CBLN2: variants seen among roughly 807,000 people sequenced by gnomAD.
CBLN2 encodes the protein cerebellin 2 precursor, also known as cerebellin-2.
In CBLN2, 7 loss-of-function variants were observed where a neutral mutation model predicts 15.0. The observed-to-expected ratio is 0.47, with a 90% CI of 0.27 to 0.88. The LOEUF (loss-of-function observed/expected upper bound fraction) is 0.88, where lower values mean the gene tolerates loss of function less well. Ranked by LOEUF, CBLN2 falls within the 40% of genes least tolerant of loss-of-function variation. CBLN2 has a pLI of 0.14. For synonymous variants in CBLN2, 149 were observed against 135.2 expected (o/e 1.10, Z -0.71); for missense variants, 242 against 304.5 (o/e 0.79, Z 1.53).
chr18:72,554,573 G>A (rs2069212068), intron 1 of CBLN2, among the ~76,000 whole-genome samples: 1 of 147,808 alleles, frequency 6.8e-6, no homozygotes. Context: ...TCCTATATTT[G>A]TCAATTAAAC....
At chr18:72,587,797 C>A (rs911069334) in intron 1 of CBLN2, among the ~76,000 whole-genome samples, 3 of 152,138 alleles carry the variant, frequency 2.0e-5, no homozygotes, top group African/African-American at 4.8e-5. Context: ...TACTGAGACA[C>A]AAAGCCAAGT....
chr18:72,581,591 G>A (rs534137115), intron 1 of CBLN2, among the ~76,000 whole-genome samples: 1 of 152,214 alleles, frequency 6.6e-6, no homozygotes, highest in East Asian at 1.9e-4. Flanking sequence ...GTTCTCATGA[G>A]TTTTCTCTCT....
At chr18:72,592,003 GAGTATATACC>G (rs1386239330) in intron 1 of CBLN2, among the ~76,000 whole-genome samples, 2 of 152,094 alleles carry the variant, frequency 1.3e-5, no homozygotes, top group South Asian at 4.1e-4. Context: ...TCTTTCCTTT[GAGTATATACC>G]AGTGGAATTG....
At chr18:72,567,991 T>C (rs1250156865) in intron 1 of CBLN2, among the ~76,000 whole-genome samples, 2 of 152,342 alleles carry the variant, frequency 1.3e-5, no homozygotes, top group Middle Eastern at 3.4e-3. Context: ...CAGTTCTTTT[T>C]TGTTGTTGTT....
chr18:72,580,461 TA>T (rs1194268636), intron 1 of CBLN2, among the ~76,000 whole-genome samples: 2 of 152,114 alleles, frequency 1.3e-5, no homozygotes, highest in African/African-American at 2.4e-5. Flanking sequence ...CTTTAACCTC[TA>T]AAAAATGACT....
At chr18:72,540,584 T>C (rs2069101520) in intron 3 of CBLN2, among the ~76,000 whole-genome samples, 1 of 152,206 alleles carries the variant, frequency 6.6e-6, no homozygotes, top group African/African-American at 2.4e-5. Context: ...CCCAAATGCC[T>C]ATTCCATTGC....
intron 3 of CBLN2, 101 bp from the exon 4 acceptor site, chr18:72,538,873 G>C: frequency 6.8e-7 from 1 of 1,466,720 alleles, no homozygotes; most frequent in East Asian, 2.4e-5. Flanking sequence ...CTTCATCAGC[G>C]GCTGGGAACA....
At chr18:72,612,599 G>A (rs1455201705) in intron 1 of CBLN2, among the ~76,000 whole-genome samples, 1 of 151,816 alleles carries the variant, frequency 6.6e-6, no homozygotes, top group African/African-American at 2.4e-5. Flanking sequence ...AAAAAACATT[G>A]CCTCTCTGCA....
Position 72,606,378 on chromosome 18 carries a change from T to C in CBLN2, c.15+31947A>G, listed in dbSNP as rs374333003. On this transcript the variant is annotated intron_variant, in intron 1 of 2. Coordinates refer to the CBLN2 transcript ENST00000581073. Reference sequence around the variant, plus strand: ...CCAATATGGAAATCGTTTTCCTGTATAAGAATCTGTATGATTTTTTCCTTT... The same window carrying C: ...CCAATATGGAAATCGTTTTCCTGTACAAGAATCTGTATGATTTTTTCCTTT... Among the ~76,000 whole-genome samples the C allele has an allele frequency of 1.4e-4, 22 of 152,346 alleles. 1 individual carries two copies. Among genetic ancestry groups the C allele is most frequent in the Middle Eastern group, 6.8e-3 (2 of 294 alleles).
chr18:72,542,599 GC>G (rs1252699109), intron 2 of CBLN2, among the ~76,000 whole-genome samples: 6 of 152,102 alleles, frequency 3.9e-5, no homozygotes, highest in African/African-American at 1.4e-4. Context: ...GCTAAGACGG[GC>G]CCCGAGACCC....
chr18:72,569,983 T>C (rs957869393), intron 1 of CBLN2, among the ~76,000 whole-genome samples: 2 of 152,202 alleles, frequency 1.3e-5, no homozygotes, highest in African/African-American at 4.8e-5. Context: ...AGAAGAGTCC[T>C]TACATTACAT....
At position 72,537,484 on chromosome 18, in the gene CBLN2, G is replaced by C. The variant is rs1324806431; in HGVS notation, c.*692C>G. 1 of 152,516 alleles carries C rather than the reference G, an allele frequency of 6.6e-6. No homozygotes were observed. Among genetic ancestry groups the C allele is most frequent in the Admixed American group, 6.5e-5 (1 of 15,278 alleles). 9.4% of individuals were successfully genotyped at this position (152,516 alleles called of 1,614,324 possible). Reference sequence around the variant, plus strand: ...ACCCCAGCAAGAAAAATAAAAGTGGGGTTGAGGAGGGAGAGCTGAGTGTGG... The same window carrying C: ...ACCCCAGCAAGAAAAATAAAAGTGGCGTTGAGGAGGGAGAGCTGAGTGTGG... On this transcript the variant is annotated 3_prime_UTR_variant, in exon 5 of 5. Transcript: ENST00000269503.
chr18:72,605,564 T>A (rs1158268442), intron 1 of CBLN2, among the ~76,000 whole-genome samples: 2 of 152,238 alleles, frequency 1.3e-5, no homozygotes, highest in Non-Finnish European at 2.9e-5. Flanking sequence ...TGATGTCACT[T>A]CATACTGACA....
intron 1 of CBLN2, among the ~76,000 whole-genome samples, chr18:72,569,261 T>C (rs1404914801): frequency 1.3e-5 from 2 of 152,182 alleles, no homozygotes; most frequent in Non-Finnish European, 2.9e-5. Context: ...ATAACAATAA[T>C]TTATAACCAC....
intron 1 of CBLN2, among the ~76,000 whole-genome samples, chr18:72,566,997 A>G (rs1429177851): frequency 6.6e-6 from 1 of 151,956 alleles, no homozygotes; most frequent in Non-Finnish European, 1.5e-5. Context: ...CTAATTCTGT[A>G]CTTTTTGTAG....
chr18:72,542,012 C>G lies in CBLN2; in HGVS notation c.149G>C (p.Arg50Pro). ...GATGGGCTCCGTGTCGTTCTGCGCCCGCACGGGGCAGCAGGCGGGCAGTAG... is the reference window on the plus strand; with the variant it reads ...GATGGGCTCCGTGTCGTTCTGCGCCGGCACGGGGCAGCAGGCGGGCAGTAG... ...LLLLPACCPVRAQNDTEPIVL... is the reference protein window; with the variant it reads ...LLLLPACCPVPAQNDTEPIVL... Residue 50 changes from arginine (R) to proline (P), a missense_variant, in exon 3 of 5, where the codon CGG becomes CCG. This residue lies in a region of CBLN2 where 96 missense variants were observed against 83.8 expected (regional missense o/e 1.15). Transcript: ENST00000269503. The G allele has an allele frequency of 6.3e-7, 1 of 1,599,904 alleles. No homozygotes were observed. Among genetic ancestry groups the G allele is most frequent in the South Asian group, 1.1e-5 (1 of 89,974 alleles).
intron 1 of CBLN2, among the ~76,000 whole-genome samples, chr18:72,635,687 CA>C (rs1461528654): frequency 7.9e-5 from 12 of 151,844 alleles, no homozygotes; most frequent in Admixed American, 7.2e-4. Context: ...CAAAATTATT[CA>C]AAATTCAAGA....
chr18:72,569,612 C>G (rs1390373887), intron 1 of CBLN2, among the ~76,000 whole-genome samples: 1 of 152,102 alleles, frequency 6.6e-6, no homozygotes, highest in Non-Finnish European at 1.5e-5. Context: ...CCTCAGGAAA[C>G]TTCCAATCAT....
intron 1 of CBLN2, chr18:72,618,181 T>A (rs1390635184): frequency 5.5e-6 from 1 of 180,284 alleles, no homozygotes; most frequent in Non-Finnish European, 1.2e-5. Flanking sequence ...GTTTCCTTTC[T>A]ATGAGATCTC....
Sources: gnomAD v4.1 joint callset for allele counts (sites outside exome capture counted in the v4.1 genomes callset) on GRCh38, gnomAD v4.1.1 for gene constraint, gnomAD v4.1.1 regional missense constraint, MANE v1.5 for transcripts, NCBI Gene and HGNC (gene_info 2026-07-23, HGNC 2026-07-21) for gene names.